The following ELF2 variants were observed in gnomAD, a reference collection of about 807,000 sequenced individuals.
ELF2 encodes ETS-related transcription factor Elf-2.
Under a neutral mutation model 54.8 loss-of-function variants are expected in ELF2, and 11 were observed. That is an observed-to-expected ratio of 0.20 (90% CI 0.13 to 0.33). The LOEUF (loss-of-function observed/expected upper bound fraction) is 0.33, where lower values mean the gene tolerates loss of function less well. Ranked by LOEUF, ELF2 falls within the 10% of genes least tolerant of loss-of-function variation. The probability of loss-of-function intolerance (pLI) is 1.00; values close to 1 mark genes in which losing one functional copy is unlikely to be tolerated. For synonymous variants in ELF2, 203 were observed against 245.1 expected, an observed-to-expected ratio of 0.83 and a Z score of 1.61; for missense variants, 513 against 703.0, an observed-to-expected ratio of 0.73 and a Z score of 3.06.
At chr4:139,160,590 G>A (rs1009982803) in intron 1 of ELF2, among the ~76,000 whole-genome samples, 1 of 152,106 alleles carries the variant, frequency 6.6e-6, no homozygotes, top group African/African-American at 2.4e-5. Flanking sequence ...TAATTATCAG[G>A]AATGATCTTG....
intron 1 of ELF2, among the ~76,000 whole-genome samples, chr4:139,175,896 C>T (rs1028338432): frequency 1.3e-5 from 2 of 152,196 alleles, no homozygotes; most frequent in African/African-American, 4.8e-5. Context: ...AGAGTCCATC[C>T]AGGATGCTGG....
At chr4:139,159,788 C>T (rs1740920016) in intron 1 of ELF2, among the ~76,000 whole-genome samples, 1 of 152,206 alleles carries the variant, frequency 6.6e-6, no homozygotes, top group African/African-American at 2.4e-5. Flanking sequence ...GGAAATAAAG[C>T]AGCCTTGAGA....
chr4:139,148,252 A>T (rs1461810083), intron 1 of ELF2, among the ~76,000 whole-genome samples: 1 of 148,320 alleles, frequency 6.7e-6, no homozygotes, highest in African/African-American at 2.5e-5. Context: ...GGCTCAAGTG[A>T]TCCTCCTACC....
intron 4 of ELF2, chr4:139,115,160 C>G: frequency 6.2e-7 from 1 of 1,613,032 alleles, no homozygotes; most frequent in Non-Finnish European, 8.5e-7. Context: ...ATCCACTCCT[C>G]TAGGTTGAGG....
rs540220012 is a variant in ELF2, at chr4:139,169,672, A to G, written c.-252+7295T>C. On this transcript the variant is annotated intron_variant, in intron 1 of 9. Transcript: ENST00000686138. ...GGAGATCGAGACCATCCTGGCTAAC[A>G]CGGTGAAACCCTGTCTCTACTAAAA... 3.1e-4 allele frequency among the ~76,000 whole-genome samples: 47 copies of G among 152,196 alleles called. No homozygotes were observed. The South Asian group carries it at 9.5e-3, about 31-fold the overall frequency.
intron 4 of ELF2, among the ~76,000 whole-genome samples, chr4:139,111,608 T>C (rs1030016781): frequency 1.3e-5 from 2 of 150,592 alleles, no homozygotes; most frequent in African/African-American, 4.9e-5. Context: ...CAAATAGGCA[T>C]GGCATTCAAT....
chr4:139,088,124 T>C (rs950625279), intron 4 of ELF2, among the ~76,000 whole-genome samples: 6 of 151,800 alleles, frequency 4.0e-5, no homozygotes, highest in Non-Finnish European at 8.8e-5. Context: ...CCGTCTCTAC[T>C]AAAAATACAA....
chr4:139,099,940 T>C (rs2148783021), intron 4 of ELF2, among the ~76,000 whole-genome samples: 1 of 152,262 alleles, frequency 6.6e-6, no homozygotes, highest in East Asian at 1.9e-4. Flanking sequence ...GAGTTAGAAA[T>C]TGAAAACTAG....
chr4:139,119,378 G>A (rs1269288115), intron 4 of ELF2, among the ~76,000 whole-genome samples: 1 of 152,090 alleles, frequency 6.6e-6, no homozygotes, highest in Non-Finnish European at 1.5e-5. Flanking sequence ...CTTGCTCTCT[G>A]TCCCTGGAGA....
intron 1 of ELF2, among the ~76,000 whole-genome samples, chr4:139,176,603 G>C (rs890015664): frequency 3.9e-5 from 6 of 152,196 alleles, no homozygotes; most frequent in African/African-American, 1.2e-4. Context: ...GAGGTGACTC[G>C]CGCAGAGATG....
At chr4:139,136,218 A>C (rs1340852561) in intron 3 of ELF2, among the ~76,000 whole-genome samples, 1 of 152,232 alleles carries the variant, frequency 6.6e-6, no homozygotes, top group Non-Finnish European at 1.5e-5. Flanking sequence ...TAAGACATTG[A>C]CGATGGGAAG....
At chr4:139,137,532 C>T in intron 3 of ELF2, 98 bp downstream of exon 3, 2 of 1,206,822 alleles carry the variant, frequency 1.7e-6, no homozygotes, top group Admixed American at 1.8e-5. Flanking sequence ...ATGCTTTGTA[C>T]ATTTTTACTC....
At chr4:139,114,855 G>A (rs558425695) in intron 4 of ELF2, 71 of 1,599,974 alleles carry the variant, frequency 4.4e-5, no homozygotes, top group South Asian at 3.1e-4. Context: ...AGGGTCCCCC[G>A]GTATTGCTGT....
At chr4:139,111,356 C>CTT (rs200691360) in intron 4 of ELF2, among the ~76,000 whole-genome samples, 11 of 148,112 alleles carry the variant, frequency 7.4e-5, no homozygotes, top group Admixed American at 3.4e-4. Flanking sequence ...AAATGATATA[C>CTT]TTTTTTTTTT....
chr4:139,162,456 G>A (rs528298534), intron 1 of ELF2, among the ~76,000 whole-genome samples: 9 of 151,682 alleles, frequency 5.9e-5, no homozygotes, highest in South Asian at 2.1e-4. Context: ...GCTTGAACCC[G>A]GGAAGTGGAG....
intron 6 of ELF2, among the ~76,000 whole-genome samples, chr4:139,068,676 C>A (rs945117606): frequency 6.6e-6 from 1 of 152,168 alleles, no homozygotes; most frequent in Non-Finnish European, 1.5e-5. Flanking sequence ...CTCAGACAGA[C>A]TAGCATCCAC....
At chr4:139,111,978 T>TAA (rs775360112) in intron 4 of ELF2, among the ~76,000 whole-genome samples, 49 of 152,304 alleles carry the variant, frequency 3.2e-4, no homozygotes, top group Non-Finnish European at 6.8e-4. Context: ...TTACAGCACT[T>TAA]ACTATTTTGA....
At position 139,060,533 on chromosome 4, in the gene ELF2, A is replaced by G. The variant is rs1191343985; in HGVS notation, c.948T>C (p.Asp316=). 2 of 1,614,184 alleles carry G rather than the reference A, an allele frequency of 1.2e-6. No homozygotes were observed. The highest frequency in any genetic ancestry group is 4.5e-5 in the East Asian group (2 of 44,886). The change falls in exon 9 of 10, where the codon GAT becomes GAC. Residue 316 remains aspartate (D), a synonymous_variant. Coordinates refer to ENST00000686138, the MANE Select transcript of ELF2 (RefSeq NM_001331036.3). ...TCNEDLAGTT[D]EKSLERVSLS... is the part of the protein sequence containing the mutation. ...GTGACACTCGTTCTAATGATTTTTC[A>G]TCAGTAGTTCCTGCTAAATCTTCAT...
intron 4 of ELF2, among the ~76,000 whole-genome samples, chr4:139,091,235 A>G (rs1732543038): frequency 6.6e-6 from 1 of 152,176 alleles, no homozygotes; most frequent in Non-Finnish European, 1.5e-5. Context: ...CGACCTTCTT[A>G]TAGTATATGT....
Sources: allele counts gnomAD v4.1 joint callset (sites outside exome capture counted in the v4.1 genomes callset), GRCh38; gene constraint gnomAD v4.1.1; transcripts MANE v1.5; gene names NCBI Gene and HGNC (gene_info 2026-07-23, HGNC 2026-07-21).